Variants in LTK observed in about 807,000 individuals in gnomAD.
The protein encoded by LTK is leukocyte receptor tyrosine kinase.
In LTK, 117 loss-of-function variants were observed where a neutral mutation model predicts 101.5. That is an observed-to-expected ratio of 1.15 (90% CI 0.99 to 1.34). The LOEUF is 1.34. Ranked by LOEUF, LTK falls within the 40% of genes most tolerant of loss-of-function variation. The pLI is 0.00. For synonymous variants in LTK, 563 were observed against 494.2 expected (o/e 1.14, Z -1.85); for missense variants, 1,252 against 1,164.7 (o/e 1.07, Z -1.09).
intron 8 of LTK, among the ~76,000 whole-genome samples, chr15:41,508,594 AATAAATAAATAC>A (rs1203665453): frequency 2.7e-5 from 4 of 149,786 alleles, no homozygotes; most frequent in Non-Finnish European, 6.0e-5. Context: ...TAAATAAATA[AATAAATAAATAC>A]ATGCCTTTTC....
Position 41,511,124 on chromosome 15 carries a change from C to T in LTK, c.997+40G>A, listed in dbSNP as rs1379468169. The stretch of plus-strand genomic sequence containing the variant: ...ACTTAGGTTCTAACATCACCTCACC[C>T]TCGGGCCTGCTCAGCTGCCCTCTCC... On this transcript the variant is annotated intron_variant, in intron 7 of 19. Coordinates refer to ENST00000263800, the MANE Select transcript of LTK (RefSeq NM_002344.6). The surrounding 1 kb of genome is among the most constrained non-coding windows in gnomAD (Gnocchi z 5.9). 9.5e-6 allele frequency: 13 copies of T among 1,369,488 alleles called. No homozygotes were observed. The highest frequency in any genetic ancestry group is 1.2e-5 in the Non-Finnish European group (13 of 1,066,298). The allele number at this position is 1,369,488 out of a possible 1,614,324, so 84.8% of individuals were successfully genotyped here. A position where few individuals can be genotyped will look rare whatever the true frequency, so the allele number is the denominator to read the frequency against.
intron 7 of LTK, among the ~76,000 whole-genome samples, chr15:41,510,147 C>T (rs1315712759): frequency 4.6e-5 from 7 of 151,756 alleles, no homozygotes; most frequent in Non-Finnish European, 1.0e-4. Context: ...GCTGGGACTA[C>T]AGGCATATGC....
chr15:41,509,727 C>T (rs1032448452), intron 7 of LTK, among the ~76,000 whole-genome samples: 7 of 151,658 alleles, frequency 4.6e-5, no homozygotes, highest in African/African-American at 1.7e-4. Flanking sequence ...GGCATGGTGG[C>T]GCATGCCTAT....
rs1478659583 is a variant in LTK, at chr15:41,511,975, G to C, written c.511-12C>G. ...CTCTCCGGGCTACCCTGCGGGCAGC[G>C]GGGGAGGGAATCGGCGGGGCCCGGG... On this transcript the variant is annotated splice_polypyrimidine_tract_variant and intron_variant, in intron 4 of 19. Coordinates refer to ENST00000263800, the MANE Select transcript of LTK (RefSeq NM_002344.6). The surrounding 1 kb of genome is among the most constrained non-coding windows in gnomAD (Gnocchi z 5.9). 2.0e-6 allele frequency: 3 copies of C among 1,464,200 alleles called. No homozygotes were observed. Among genetic ancestry groups the C allele is most frequent in the Admixed American group, 2.8e-5 (1 of 36,038 alleles). 90.7% of individuals were successfully genotyped at this position (1,464,200 alleles called of 1,614,324 possible).
In LTK at chr15:41,504,581, C is replaced by A. The variant is rs199935291; in HGVS notation, c.2180G>T (p.Arg727Leu). The change falls in exon 18 of 20, where the codon CGC becomes CTC. Residue 727 changes from arginine (R) to leucine (L), a missense_variant. Physicochemically the swap from Arg to Leu is moderately radical, Grantham distance 102. Coordinates refer to ENST00000263800, the MANE Select transcript of LTK (RefSeq NM_002344.6). ...FSLGYMPYPG[R>L]TNQEVLDFVV... The stretch of plus-strand genomic sequence containing the variant: ...GAAGTCCAGCACCTCCTGGTTGGTG[C>A]GCCCAGGATAGGGCATGTAGCCCAG... 6.2e-7 allele frequency: 1 copy of A among 1,613,822 alleles called. No individual in the cohort carries two copies. The highest frequency in any genetic ancestry group is 1.1e-5 in the South Asian group (1 of 91,086).
chr15:41,505,517 G>C lies in LTK; in HGVS notation c.1711C>G (p.Gln571Glu). The C allele has an allele frequency of 6.2e-7, 1 of 1,614,000 alleles. No homozygotes were observed. Among genetic ancestry groups the C allele is most frequent in the Non-Finnish European group, 8.5e-7 (1 of 1,179,982 alleles). Residue 571 changes from glutamine (Q) to glutamate (E), a missense_variant, in exon 14 of 20, where the codon CAG (glutamine) becomes GAG (glutamate). Transcript: ENST00000263800. ...EALIISKFRH[Q>E]NIVRCVGLSL... is the part of the protein sequence containing the mutation. ...AGCCCCACACACCGCACAATGTTCT[G>C]ATGGCGAAACTTGCTGAGTGGGGTG...
chr15:41,508,062 G>T lies in LTK; in HGVS notation c.1249+7C>A. 1 of 1,595,144 alleles carries T rather than the reference G, an allele frequency of 6.3e-7. No individual in the cohort carries two copies. Among genetic ancestry groups the T allele is most frequent in the South Asian group, 1.1e-5 (1 of 88,656 alleles). ...GAGTCCAGACCTTGGGCAAAGGTAG[G>T]ACATACCCATGCAGGTGACGTTATC... is the stretch of plus-strand genomic sequence containing the variant. On this transcript the variant is annotated splice_region_variant and intron_variant, in intron 9 of 19. Transcript: ENST00000263800.
rs753380000 is a variant in LTK at position 41,511,982 on chromosome 15, G to A, written c.511-19C>T. The A allele has an allele frequency of 8.3e-6, 12 of 1,453,820 alleles. No individual in the cohort carries two copies. In the South Asian group the frequency reaches 1.7e-4, roughly 21 times the overall value. 90.1% of individuals were successfully genotyped at this position (1,453,820 alleles called of 1,614,324 possible). A position where few individuals can be genotyped will look rare whatever the true frequency, so the allele number is the denominator to read the frequency against. On this transcript the variant is annotated intron_variant, in intron 4 of 19. Coordinates refer to ENST00000263800, the MANE Select transcript of LTK (RefSeq NM_002344.6). The surrounding 1 kb of genome is among the most constrained non-coding windows in gnomAD (Gnocchi z 5.9). The stretch of plus-strand genomic sequence containing the variant: ...GGCTACCCTGCGGGCAGCGGGGGAG[G>A]GAATCGGCGGGGCCCGGGAGCCTCC...
At chr15:41,507,025 T>C in intron 11 of LTK, 70 bp downstream of exon 11, 1 of 1,463,708 alleles carries the variant, frequency 6.8e-7, no homozygotes, top group Middle Eastern at 1.7e-4. Context: ...TATAATTCAC[T>C]ACAGCAGGGA....
At chr15:41,505,654 A>G in intron 13 of LTK, 59 bp downstream of exon 13, 1 of 1,609,404 alleles carries the variant, frequency 6.2e-7, no homozygotes. Context: ...GGGTGAAGAG[A>G]AACTGTTCCC....
chr15:41,511,923 C>T lies in LTK; in HGVS notation c.551G>A (p.Arg184Gln). 3 of 1,500,210 alleles carry T rather than the reference C, an allele frequency of 2.0e-6. No individual in the cohort carries two copies. Among genetic ancestry groups the T allele is most frequent in the Non-Finnish European group, 2.6e-6 (3 of 1,140,188 alleles). The allele number at this position is 1,500,210 out of a possible 1,614,324, so 92.9% of individuals were successfully genotyped here. ...ESQLVCLGES[R>Q]AVEEHAAMDG... is the part of the protein sequence containing the mutation. ...CATCGCCGCGTGCTCTTCAACGGCT[C>T]GAGACTCCCCGAGGCAGACGAGCTG... is the stretch of plus-strand genomic sequence containing the variant. Residue 184 changes from arginine to glutamine, a missense_variant, in exon 5 of 20, where the codon CGA (arginine) becomes CAA (glutamine). Transcript: ENST00000263800. This position sits in a 1 kb window ranked among gnomAD's most constrained non-coding sequence, Gnocchi z 5.9.
In LTK at chr15:41,512,751, C is replaced by T. The variant is rs767961282; in HGVS notation, c.315G>A (p.Leu105=). The change falls in exon 3 of 20, where the codon CTG becomes CTA. Residue 105 remains leucine, a synonymous_variant. Transcript: ENST00000263800. ...VVVTVGAAGQ[L]RGVQLWRVPG... is the part of the protein sequence containing the mutation. ...GCACGCGCCACAGCTGCACGCCTCT[C>T]AGCTGCCCGGCGGCCCCCACGGTCA... 3 of 1,608,872 alleles carry T rather than the reference C, an allele frequency of 1.9e-6. No individual in the cohort carries two copies. Among genetic ancestry groups the T allele is most frequent in the Middle Eastern group, 1.7e-4 (1 of 5,878 alleles).
chr15:41,509,170 G>A (rs1339456624), intron 7 of LTK, 41 bp from the exon 8 acceptor site: 1 of 1,197,932 alleles, frequency 8.3e-7, no homozygotes, highest in African/African-American at 1.5e-5. Context: ...TACAAAAATG[G>A]GGGATGGGGG....
At chr15:41,513,534 A>G in intron 1 of LTK, 133 bp downstream of exon 1, 1 of 821,554 alleles carries the variant, frequency 1.2e-6, no homozygotes, top group Non-Finnish European at 2.1e-6. Context: ...AGAAGCACGG[A>G]CCGGAGAAAT....
In LTK at chr15:41,505,904, A is replaced by G. The variant is rs1205713322; in HGVS notation, c.1632+11T>C. The G allele has an allele frequency of 1.2e-6, 2 of 1,611,326 alleles. No individual in the cohort carries two copies. The highest frequency in any genetic ancestry group is 1.7e-6 in the Non-Finnish European group (2 of 1,178,112). On this transcript the variant is annotated intron_variant, in intron 12 of 19. Transcript: ENST00000263800. ...TCTCCTACCCCCAGCCAGAAGTCCC[A>G]CTCCTCTCACCTTGATAGCTACCTG...
Position 41,511,983 on chromosome 15 carries a change from G to C in LTK, c.511-20C>G. 1.4e-6 allele frequency: 2 copies of C among 1,453,896 alleles called. No individual in the cohort carries two copies. Among genetic ancestry groups the C allele is most frequent in the Non-Finnish European group, 9.0e-7 (1 of 1,111,638 alleles). 90.1% of individuals were successfully genotyped at this position (1,453,896 alleles called of 1,614,324 possible). ...GCTACCCTGCGGGCAGCGGGGGAGG[G>C]AATCGGCGGGGCCCGGGAGCCTCCC... is the stretch of plus-strand genomic sequence containing the variant. On this transcript the variant is annotated intron_variant, in intron 4 of 19. Transcript: ENST00000263800. The surrounding 1 kb of genome is among the most constrained non-coding windows in gnomAD (Gnocchi z 5.9).
chr15:41,513,181 A>C, intron 1 of LTK, 61 bp from the exon 2 acceptor site: 2 of 1,507,146 alleles, frequency 1.3e-6, no homozygotes, highest in Non-Finnish European at 1.8e-6. Flanking sequence ...ATATGAAAGA[A>C]AGAGAGAACC....
At chr15:41,507,363 C>T in intron 10 of LTK, 73 bp from the exon 11 acceptor site, 24 of 1,475,684 alleles carry the variant, frequency 1.6e-5, no homozygotes, top group Non-Finnish European at 2.2e-5. Flanking sequence ...GCCCAGGACA[C>T]CCCTCCAGAT....
Position 41,504,579 on chromosome 15 carries a change from T to C in LTK, c.2182A>G (p.Thr728Ala). ...SLGYMPYPGR[T>A]NQEVLDFVVG... The stretch of plus-strand genomic sequence containing the variant: ...ACGAAGTCCAGCACCTCCTGGTTGG[T>C]GCGCCCAGGATAGGGCATGTAGCCC... The change falls in exon 18 of 20, where the codon ACC becomes GCC. Residue 728 changes from threonine to alanine, a missense_variant. Coordinates refer to ENST00000263800, the MANE Select transcript of LTK (RefSeq NM_002344.6). 1 of 1,613,846 alleles carries C rather than the reference T, an allele frequency of 6.2e-7. No individual in the cohort carries two copies.
Sources: allele counts gnomAD v4.1 joint callset (sites outside exome capture counted in the v4.1 genomes callset), GRCh38; gene constraint gnomAD v4.1.1; non-coding constraint Gnocchi (gnomAD v3.1); transcripts MANE v1.5; gene names NCBI Gene and HGNC (gene_info 2026-07-23, HGNC 2026-07-21).